Variants in NAPEPLD observed in about 807,000 individuals in gnomAD.
NAPEPLD encodes N-acyl phosphatidylethanolamine phospholipase D.
A neutral mutation model predicts 38.1 loss-of-function variants in NAPEPLD; 23 were observed. The ratio of observed to expected loss-of-function variants is 0.60; its 90% confidence interval spans 0.43 to 0.86. The LOEUF is 0.86. Among genes scored for constraint, NAPEPLD ranks in the 40% least tolerant of loss-of-function variants. The pLI is 0.00. For synonymous variants in NAPEPLD, 147 were observed against 162.0 expected (o/e 0.91, Z 0.71); for missense variants, 411 against 476.8 (o/e 0.86, Z 1.28).
intron 2 of NAPEPLD, among the ~76,000 whole-genome samples, chr7:103,123,973 A>G (rs1807236074): frequency 6.6e-6 from 1 of 152,136 alleles, no homozygotes; most frequent in Non-Finnish European, 1.5e-5. Flanking sequence ...TGCATTTTAA[A>G]TATGTGAAGC....
Position 103,118,457 on chromosome 7 carries a change from G to A in NAPEPLD, c.941+1120C>T, listed in dbSNP as rs1166282235. Among the ~76,000 whole-genome samples, 3 of 152,136 alleles carry A rather than the reference G, an allele frequency of 2.0e-5. No individual in the cohort carries two copies. In the East Asian group the frequency reaches 5.8e-4, roughly 29 times the overall value. On this transcript the variant is annotated intron_variant, in intron 3 of 4. Transcript: ENST00000465647. Reference sequence around the variant, plus strand: ...GCAAAAAACAAAAAGGGATAAATAAGCATTAGTAAATAAAAATAGGGACAA... The same window carrying A: ...GCAAAAAACAAAAAGGGATAAATAAACATTAGTAAATAAAAATAGGGACAA...
intron 4 of NAPEPLD, among the ~76,000 whole-genome samples, chr7:103,113,168 A>C (rs1474981174): frequency 1.3e-5 from 2 of 152,236 alleles, no homozygotes; most frequent in Non-Finnish European, 2.9e-5. Context: ...ATGTGCATAC[A>C]CGCACACATA....
upstream of NAPEPLD, among the ~76,000 whole-genome samples, chr7:103,149,942 G>A (rs574422507): frequency 1.4e-4 from 21 of 152,166 alleles, no homozygotes; most frequent in Non-Finnish European, 2.2e-4. Flanking sequence ...AGTACGTATT[G>A]AATATTAATG....
intron 1 of NAPEPLD, among the ~76,000 whole-genome samples, chr7:103,132,313 G>A (rs980526392): frequency 1.3e-5 from 2 of 152,164 alleles, no homozygotes; most frequent in Non-Finnish European, 2.9e-5. Context: ...CCAGTCAAAA[G>A]ATGAGGAGGC....
intron 4 of NAPEPLD, among the ~76,000 whole-genome samples, chr7:103,105,767 T>C (rs568968842): frequency 6.6e-6 from 1 of 151,968 alleles, no homozygotes; most frequent in Admixed American, 6.6e-5. Context: ...ACCCTGTCTC[T>C]ACTAAAAATA....
At chr7:103,122,457 T>C (rs1196474358) in intron 2 of NAPEPLD, among the ~76,000 whole-genome samples, 1 of 151,950 alleles carries the variant, frequency 6.6e-6, no homozygotes, top group East Asian at 1.9e-4. Flanking sequence ...GATGGGGAGA[T>C]GCTGGTGAAG....
At chr7:103,131,038 T>A (rs968643577) in intron 1 of NAPEPLD, among the ~76,000 whole-genome samples, 1 of 152,096 alleles carries the variant, frequency 6.6e-6, no homozygotes, top group Non-Finnish European at 1.5e-5. Flanking sequence ...CAGATGAAAA[T>A]GTACAAGTTT....
chr7:103,122,857 C>A (rs1366370426), intron 2 of NAPEPLD, among the ~76,000 whole-genome samples: 1 of 152,234 alleles, frequency 6.6e-6, no homozygotes, highest in Non-Finnish European at 1.5e-5. Context: ...AATCCATGCA[C>A]AAGAGCCACC....
In NAPEPLD at chr7:103,103,450, A is replaced by G; in HGVS notation, c.1161T>C (p.Asn387=). The change falls in exon 5 of 5, where the codon AAT becomes AAC. Residue 387 remains asparagine (N), a synonymous_variant. Transcript: ENST00000465647. Reference sequence around the variant, plus strand: ...TTTATTAAAAGTTTTCATCATCATTATTTAGGTATCTTGATTCTCCATGCT... The same window carrying G: ...TTTATTAAAAGTTTTCATCATCATTGTTTAGGTATCTTGATTCTCCATGCT... ...VLKHGESRYL[N]NDDENF is the part of the protein sequence containing the mutation. 6.3e-7 allele frequency: 1 copy of G among 1,579,118 alleles called. No homozygotes were observed. The highest frequency in any genetic ancestry group is 8.5e-7 in the Non-Finnish European group (1 of 1,169,722).
intron 4 of NAPEPLD, among the ~76,000 whole-genome samples, chr7:103,111,922 C>A (rs1444361546): frequency 2.0e-5 from 3 of 151,920 alleles, no homozygotes; most frequent in African/African-American, 7.3e-5. Flanking sequence ...AAACAAACAA[C>A]CCCATCAAAA....
chr7:103,119,572 C>G lies in NAPEPLD; in HGVS notation c.941+5G>C. On this transcript the variant is annotated splice_donor_5th_base_variant and intron_variant, in intron 3 of 4. Coordinates refer to ENST00000465647, the MANE Select transcript of NAPEPLD (RefSeq NM_001122838.3). ...CAGGAATGTTTTCTTTGGAAGTCTA[C>G]ATACCTCGGTTCATAAGCTCCGATG... 1 of 1,609,854 alleles carries G rather than the reference C, an allele frequency of 6.2e-7. No individual in the cohort carries two copies. Among genetic ancestry groups the G allele is most frequent in the Non-Finnish European group, 8.5e-7 (1 of 1,177,634 alleles).
chr7:103,140,259 C>G (rs1216412710), intron 1 of NAPEPLD, among the ~76,000 whole-genome samples: 1 of 151,956 alleles, frequency 6.6e-6, no homozygotes, highest in East Asian at 1.9e-4. Flanking sequence ...ACCATTTTTG[C>G]ATTTCTACAC....
chr7:103,106,870 C>G (rs867492067), intron 4 of NAPEPLD, among the ~76,000 whole-genome samples: 2 of 152,312 alleles, frequency 1.3e-5, no homozygotes, highest in South Asian at 4.1e-4. Context: ...GAAAAGAGCA[C>G]TGGTTCTCCC....
chr7:103,123,927 C>T (rs1052989166), intron 2 of NAPEPLD, among the ~76,000 whole-genome samples: 10 of 152,004 alleles, frequency 6.6e-5, no homozygotes, highest in African/African-American at 2.2e-4. Context: ...GTGATCTTTT[C>T]GTGGGTATAT....
In NAPEPLD at chr7:103,129,070, A is replaced by G. The variant is rs552508156; in HGVS notation, c.-16-278T>C. On this transcript the variant is annotated intron_variant, in intron 1 of 4. Transcript: ENST00000465647. ...CACCTCAGGTCGGGAGTTCGAGACC[A>G]GCCTGACCAACATGGAGAAAGCCCA... Among the ~76,000 whole-genome samples the G allele has an allele frequency of 2.7e-4, 41 of 152,278 alleles. 1 individual carries two copies. In the South Asian group the frequency reaches 8.1e-3, roughly 30 times the overall value.
intron 1 of NAPEPLD, among the ~76,000 whole-genome samples, chr7:103,143,171 G>A: frequency 6.6e-6 from 1 of 152,132 alleles, no homozygotes; most frequent in Non-Finnish European, 1.5e-5. Context: ...AGGCTGTAGT[G>A]AGCCGTGATC....
Position 103,118,912 on chromosome 7 carries a change from A to G in NAPEPLD, c.941+665T>C, listed in dbSNP as rs1000767194. 3.9e-5 allele frequency among the ~76,000 whole-genome samples: 6 copies of G among 152,346 alleles called. 1 individual carries two copies. The East Asian group carries it at 9.6e-4, about 24-fold the overall frequency. On this transcript the variant is annotated intron_variant, in intron 3 of 4. Coordinates refer to ENST00000465647, the MANE Select transcript of NAPEPLD (RefSeq NM_001122838.3). ...GAGTGGTGAGTAGTACAACACCACC[A>G]TGACCAGATTAACTTCAGTGCTGAC...
chr7:103,133,844 T>A (rs761530303), intron 1 of NAPEPLD, among the ~76,000 whole-genome samples: 6 of 152,218 alleles, frequency 3.9e-5, no homozygotes, highest in Non-Finnish European at 5.9e-5. Context: ...ACACAAAAAC[T>A]GTAAACAACC....
chr7:103,119,175 T>C (rs540888720), intron 3 of NAPEPLD, among the ~76,000 whole-genome samples: 19 of 152,356 alleles, frequency 1.2e-4, no homozygotes, highest in African/African-American at 4.3e-4. Flanking sequence ...TCTTTAAACC[T>C]TGATCCCTTT....
Sources: gnomAD v4.1 joint callset for allele counts (sites outside exome capture counted in the v4.1 genomes callset) on GRCh38, gnomAD v4.1.1 for gene constraint, MANE v1.5 for transcripts, NCBI Gene and HGNC (gene_info 2026-07-23, HGNC 2026-07-21) for gene names.